Variants in PATL1 observed in about 807,000 individuals in gnomAD.
PATL1 encodes the protein PAT1 homolog 1, processing body mRNA decay factor, also known as protein PAT1 homolog 1.
A neutral mutation model predicts 100.6 loss-of-function variants in PATL1; 32 were observed. That is an observed-to-expected ratio of 0.32 (90% confidence interval 0.24 to 0.43). PATL1 has a LOEUF of 0.43. PATL1 is among the 20% of genes least tolerant of loss of function. PATL1 has a pLI of 1.00. For missense variants in PATL1, 747 were observed against 949.9 expected, an observed-to-expected ratio of 0.79 and a Z score of 2.81; for synonymous variants, 332 against 330.0, an observed-to-expected ratio of 1.01 and a Z score of -0.07.
At chr11:59,663,063 A>G (rs1466091265) in intron 2 of PATL1, among the ~76,000 whole-genome samples, 1 of 152,158 alleles carries the variant, frequency 6.6e-6, no homozygotes, top group Non-Finnish European at 1.5e-5. Context: ...CTATAAAACA[A>G]TATTTCACCC....
chr11:59,668,399 C>CA (rs1409748078), intron 1 of PATL1, among the ~76,000 whole-genome samples: 1 of 152,172 alleles, frequency 6.6e-6, no homozygotes, highest in Non-Finnish European at 1.5e-5. Context: ...AATCCAACGG[C>CA]AAGCCCAGGC....
At chr11:59,655,373 T>C (rs1027218676) in intron 8 of PATL1, 150 bp downstream of exon 8, 18 of 741,562 alleles carry the variant, frequency 2.4e-5, no homozygotes, top group Non-Finnish European at 3.7e-5. Flanking sequence ...AGCCTGGAGA[T>C]TGTCAAACAT....
At chr11:59,667,249 T>G (rs1002483156) in intron 1 of PATL1, 8 of 265,056 alleles carry the variant, frequency 3.0e-5, no homozygotes, top group African/African-American at 1.8e-4. Flanking sequence ...CAGTTCCTCA[T>G]GCAACCAAGA....
chr11:59,637,558 G>A lies in PATL1; in HGVS notation c.*832C>T, dbSNP rs1408508175. The A allele has an allele frequency of 2.0e-5, 3 of 152,670 alleles. No homozygotes were observed. The highest frequency in any genetic ancestry group is 7.2e-5 in the African/African-American group (3 of 41,460). 9.5% of individuals were successfully genotyped at this position (152,670 alleles called of 1,614,324 possible). ...ATCCTGGGTGACTTCGAATGCACTT[G>A]AGGGGAAAGGCTCAAGTACCCTGTA... On this transcript the variant is annotated 3_prime_UTR_variant, in exon 19 of 19. Coordinates refer to ENST00000300146, the MANE Select transcript of PATL1 (RefSeq NM_152716.3).
At chr11:59,667,545 G>C (rs1448985039) in intron 1 of PATL1, among the ~76,000 whole-genome samples, 1 of 152,188 alleles carries the variant, frequency 6.6e-6, no homozygotes, top group Non-Finnish European at 1.5e-5. Context: ...ACAAGTTCAA[G>C]TTCTGGCTCC....
intron 1 of PATL1, among the ~76,000 whole-genome samples, chr11:59,668,470 G>A (rs2134767308): frequency 6.6e-6 from 1 of 152,212 alleles, no homozygotes; most frequent in East Asian, 1.9e-4. Flanking sequence ...TCGAGTGGAG[G>A]TGGGTGGGGG....
At chr11:59,647,222 CAA>C (rs1175300355) in intron 15 of PATL1, among the ~76,000 whole-genome samples, 11 of 60,480 alleles carry the variant, frequency 1.8e-4, no homozygotes, top group East Asian at 5.1e-4. Context: ...AACTCTGTCT[CAA>C]AAAAAAAAAA....
intron 6 of PATL1, 47 bp from the exon 7 acceptor site, chr11:59,656,092 G>A (rs911106776): frequency 1.9e-5 from 21 of 1,125,796 alleles, no homozygotes; most frequent in Non-Finnish European, 2.5e-5. Flanking sequence ...ATAAAACAGG[G>A]GGTACATCAT....
At chr11:59,655,396 C>T in intron 8 of PATL1, 127 bp downstream of exon 8, 1 of 887,230 alleles carries the variant, frequency 1.1e-6, no homozygotes, top group Non-Finnish European at 1.7e-6. Context: ...CCATGTTTGC[C>T]AACTTGAGGA....
chr11:59,657,689 C>T lies in PATL1; in HGVS notation c.462G>A (p.Leu154=), dbSNP rs768593989. The change falls in exon 5 of 19, where the codon TTG becomes TTA. Residue 154 remains leucine (L), a synonymous_variant. Transcript: ENST00000300146. Reference sequence around the variant, plus strand: ...CTGGACCCTGGGGGGGCCTCTGAGGCAAAGCATATTCTAATACAGACACTG... The same window carrying T: ...CTGGACCCTGGGGGGGCCTCTGAGGTAAAGCATATTCTAATACAGACACTG... The part of the protein sequence containing the change: ...MPTVSVLEYA[L]PQRPPQGPED... 1 of 1,613,340 alleles carries T rather than the reference C, an allele frequency of 6.2e-7. No individual in the cohort carries two copies. The highest frequency in any genetic ancestry group is 8.5e-7 in the Non-Finnish European group (1 of 1,179,664).
Position 59,639,373 on chromosome 11 carries a change from G to GAC in PATL1, c.2058_2059dup (p.Ser687CysfsTer8). The GAC allele has an allele frequency of 6.5e-7, 1 of 1,549,902 alleles. No homozygotes were observed. The highest frequency in any genetic ancestry group is 8.7e-7 in the Non-Finnish European group (1 of 1,146,916). ...ACGGCTCAGGAGGATGAGGAGCAGTGACAGGCCAAACTACGAGAAAAGACA... is the reference window on the plus strand; with the variant it reads ...ACGGCTCAGGAGGATGAGGAGCAGTGACACAGGCCAAACTACGAGAAAAGACA... On this transcript the variant is annotated frameshift_variant, in exon 17 of 19. Transcript: ENST00000300146. LOFTEE classifies it high-confidence loss of function.
At chr11:59,649,679 A>C in intron 13 of PATL1, 69 bp from the exon 14 acceptor site, 104 of 1,433,714 alleles carry the variant, frequency 7.3e-5, no homozygotes, top group Non-Finnish European at 8.4e-5. Flanking sequence ...AAACAATTTC[A>C]CAGTTTAGGA....
intron 14 of PATL1, among the ~76,000 whole-genome samples, 200 bp downstream of exon 14, chr11:59,649,262 A>G (rs1016022038): frequency 1.3e-5 from 2 of 152,206 alleles, no homozygotes; most frequent in African/African-American, 4.8e-5. Flanking sequence ...AATTCAGGAT[A>G]AAGACTTTTT....
chr11:59,652,415 G>C, intron 11 of PATL1, 49 bp downstream of exon 11: 1 of 1,577,136 alleles, frequency 6.3e-7, no homozygotes. Context: ...CACATCAGCA[G>C]CTTCTCAAAT....
At position 59,666,912 on chromosome 11, in the gene PATL1, C is replaced by G; in HGVS notation, c.68G>C (p.Gly23Ala). ...DEDEDAFQGL[G>A]EEDEEIDQFN... ...TTGATCAATCTCTTCATCTTCTTCTCCCAGTCCCTGAAATGCATCTTCATC... is the reference window on the plus strand; with the variant it reads ...TTGATCAATCTCTTCATCTTCTTCTGCCAGTCCCTGAAATGCATCTTCATC... The change falls in exon 2 of 19, where the codon GGA (glycine) becomes GCA (alanine). Residue 23 changes from glycine to alanine, a missense_variant. Coordinates refer to ENST00000300146, the MANE Select transcript of PATL1 (RefSeq NM_152716.3). 6.4e-7 allele frequency: 1 copy of G among 1,550,968 alleles called. No individual in the cohort carries two copies. The highest frequency in any genetic ancestry group is 8.7e-7 in the Non-Finnish European group (1 of 1,146,692).
intron 5 of PATL1, 28 bp downstream of exon 5, chr11:59,657,501 TG>T (rs752341170): frequency 9.8e-6 from 15 of 1,532,012 alleles, no homozygotes; most frequent in Non-Finnish European, 1.3e-5. Context: ...CCCAATATCC[TG>T]GGCTGTGTGC....
chr11:59,654,302 C>A (rs1002534796), intron 8 of PATL1, among the ~76,000 whole-genome samples: 1 of 151,888 alleles, frequency 6.6e-6, no homozygotes, highest in African/African-American at 2.4e-5. Context: ...CATGGTGAAA[C>A]CCTGTCTCTC....
intron 13 of PATL1, 56 bp from the exon 14 acceptor site, chr11:59,649,666 G>C (rs2134745726): frequency 6.5e-7 from 1 of 1,540,090 alleles, no homozygotes; most frequent in East Asian, 2.3e-5. Flanking sequence ...CACAGTATTA[G>C]TTAAACAATT....
intron 2 of PATL1, 79 bp downstream of exon 2, chr11:59,666,774 A>C: frequency 7.1e-7 from 1 of 1,414,530 alleles, no homozygotes; most frequent in East Asian, 2.5e-5. Flanking sequence ...ACCCCTAATA[A>C]GATAAAGCAC....
Sources: gnomAD v4.1 joint callset for allele counts (sites outside exome capture counted in the v4.1 genomes callset) on GRCh38, gnomAD v4.1.1 for gene constraint, MANE v1.5 for transcripts, NCBI Gene and HGNC (gene_info 2026-07-23, HGNC 2026-07-21) for gene names.